DNAAF4: variants seen among roughly 807,000 people sequenced by gnomAD.
DNAAF4 encodes the protein dynein axonemal assembly factor 4.
DNAAF4 carries 43 observed loss-of-function variants against 51.8 expected under a neutral mutation model. That is an observed-to-expected ratio of 0.83 (90% CI 0.65 to 1.07). The LOEUF is 1.07. DNAAF4 is among the 50% of genes least tolerant of loss of function. DNAAF4 has a pLI of 0.00. For synonymous variants in DNAAF4, 194 were observed against 165.6 expected, an observed-to-expected ratio of 1.17 and a Z score of -1.32; for missense variants, 581 against 493.0, an observed-to-expected ratio of 1.18 and a Z score of -1.69.
intron 5 of DNAAF4, among the ~76,000 whole-genome samples, chr15:55,465,411 C>CAG (rs1345976290): frequency 5.3e-5 from 8 of 151,732 alleles, no homozygotes; most frequent in Non-Finnish European, 1.2e-4. Flanking sequence ...CACACACACA[C>CAG]ACACACACAC....
At chr15:55,422,912 G>C (rs1044075767) in intron 7 of DNAAF4, among the ~76,000 whole-genome samples, 2 of 151,958 alleles carry the variant, frequency 1.3e-5, no homozygotes, top group African/African-American at 4.8e-5. Context: ...CAGGAGAATC[G>C]CTTGAACCCA....
intron 6 of DNAAF4, among the ~76,000 whole-genome samples, chr15:55,442,267 C>G (rs1334273081): frequency 6.6e-6 from 1 of 152,096 alleles, no homozygotes; most frequent in Non-Finnish European, 1.5e-5. Context: ...TACAGGCACA[C>G]GCCACCATGC....
At chr15:55,426,543 C>T (rs1218351877), downstream of DNAAF4, among the ~76,000 whole-genome samples, 1 of 152,156 alleles carries the variant, frequency 6.6e-6, no homozygotes, top group African/African-American at 2.4e-5. Flanking sequence ...CATTGTCCTG[C>T]CTCAGACTCC....
chr15:55,481,149 C>T lies in DNAAF4; in HGVS notation c.405+9974G>A, dbSNP rs1009905383. Among the ~76,000 whole-genome samples the T allele has an allele frequency of 2.0e-5, 3 of 152,226 alleles. No individual in the cohort carries two copies. The East Asian group carries it at 5.8e-4, about 29-fold the overall frequency. On this transcript the variant is annotated intron_variant, in intron 4 of 9. Transcript: ENST00000321149. Reference sequence around the variant, plus strand: ...GAAAACTCTTTCCTTTATAAATTACCCGATCTTGGGTATGTCTTCATTAGC... The same window carrying T: ...GAAAACTCTTTCCTTTATAAATTACTCGATCTTGGGTATGTCTTCATTAGC...
intron 4 of DNAAF4, among the ~76,000 whole-genome samples, chr15:55,475,950 C>A (rs938935669): frequency 6.6e-6 from 1 of 152,134 alleles, no homozygotes; most frequent in Non-Finnish European, 1.5e-5. Context: ...GCTACGGATG[C>A]ATGGTGACCC....
In DNAAF4 at chr15:55,479,062, T is replaced by G. The variant is rs59861694; in HGVS notation, c.406-11901A>C. 7.5e-3 allele frequency among the ~76,000 whole-genome samples: 1,130 copies of G among 151,488 alleles called. 13 individuals carry two copies. Among genetic ancestry groups the G allele is most frequent in the African/African-American group, 0.023 (956 of 41,214 alleles). ...TAAAGGATATGCAGTCTAAGTACTG[T>G]CAGGGTAGGCCCACTAGCTGTATGC... On this transcript the variant is annotated intron_variant, in intron 4 of 9. Transcript: ENST00000321149.
At chr15:55,421,133 T>G (rs2057384697) in intron 7 of DNAAF4, among the ~76,000 whole-genome samples, 1 of 143,472 alleles carries the variant, frequency 7.0e-6, no homozygotes, top group Non-Finnish European at 1.5e-5. Flanking sequence ...GAGGTTGCAG[T>G]GAGCCAAGAT....
At chr15:55,473,351 G>GTATATATATA (rs1211531385) in intron 4 of DNAAF4, among the ~76,000 whole-genome samples, 1 of 135,520 alleles carries the variant, frequency 7.4e-6, no homozygotes, top group Non-Finnish European at 1.5e-5. Flanking sequence ...ATATATGTGT[G>GTATATATATA]TATATATATG....
At chr15:55,421,134 G>A (rs1316546302) in intron 7 of DNAAF4, among the ~76,000 whole-genome samples, 1 of 148,552 alleles carries the variant, frequency 6.7e-6, no homozygotes, top group Admixed American at 6.8e-5. Flanking sequence ...AGGTTGCAGT[G>A]AGCCAAGATC....
chr15:55,435,593 C>A (rs976721821), intron 7 of DNAAF4, among the ~76,000 whole-genome samples: 1 of 152,106 alleles, frequency 6.6e-6, no homozygotes, highest in Admixed American at 6.6e-5. Flanking sequence ...CTGGATCAAG[C>A]TTTACTTGAA....
chr15:55,473,201 AT>A lies in DNAAF4; in HGVS notation c.406-6041del, dbSNP rs1567023297. Among the ~76,000 whole-genome samples, 325 of 88,224 alleles carry A rather than the reference AT, an allele frequency of 3.7e-3. 54 individuals are homozygous for A. Among genetic ancestry groups the A allele is most frequent in the African/African-American group, 0.019 (309 of 16,654 alleles). The allele number at this position is 88,224 out of a possible 152,430, so 57.9% of individuals were successfully genotyped here. A position where few individuals can be genotyped will look rare whatever the true frequency, so the allele number is the denominator to read the frequency against. ...AAAAAAAAACCTAAAAAAAAAAAAT[AT>A]ATATATATATATATATATATGTGTG... On this transcript the variant is annotated intron_variant, in intron 4 of 9. Transcript: ENST00000321149.
At chr15:55,474,775 T>G (rs1433844150) in intron 4 of DNAAF4, among the ~76,000 whole-genome samples, 1 of 151,986 alleles carries the variant, frequency 6.6e-6, no homozygotes, top group Non-Finnish European at 1.5e-5. Context: ...GGTTGGGAGT[T>G]CAAGACCAGC....
intron 5 of DNAAF4, among the ~76,000 whole-genome samples, chr15:55,461,990 C>G (rs1425160957): frequency 6.6e-6 from 1 of 152,134 alleles, no homozygotes; most frequent in African/African-American, 2.4e-5. Context: ...TCATTCAAAG[C>G]TACTATGAAT....
At chr15:55,442,663 A>C in intron 6 of DNAAF4, 1 of 1,528,952 alleles carries the variant, frequency 6.5e-7, no homozygotes, top group East Asian at 2.2e-5. Flanking sequence ...ATTCAGCTTT[A>C]TAAGTAAGCT....
At position 55,498,374 on chromosome 15, in the gene DNAAF4, G is replaced by T; in HGVS notation, c.-45C>A. On this transcript the variant is annotated 5_prime_UTR_variant, in exon 2 of 10. Coordinates refer to ENST00000321149, the MANE Select transcript of DNAAF4 (RefSeq NM_130810.4). Reference sequence around the variant, plus strand: ...GATAGCGCGGCTGGTTGCTTCTTGCGCCTGCTTGGTTGCTAGGGAAGCTGG... The same window carrying T: ...GATAGCGCGGCTGGTTGCTTCTTGCTCCTGCTTGGTTGCTAGGGAAGCTGG... The T allele has an allele frequency of 1.3e-6, 2 of 1,582,054 alleles. No homozygotes were observed. Among genetic ancestry groups the T allele is most frequent in the Non-Finnish European group, 1.7e-6 (2 of 1,160,244 alleles).
intron 5 of DNAAF4, among the ~76,000 whole-genome samples, chr15:55,466,389 A>G (rs1191587793): frequency 6.6e-6 from 1 of 152,076 alleles, no homozygotes; most frequent in Admixed American, 6.6e-5. Context: ...ACACCATTGC[A>G]CTCCAGCCTG....
At chr15:55,490,956 GAA>G in intron 4 of DNAAF4, 165 bp downstream of exon 4, 14 of 607,684 alleles carry the variant, frequency 2.3e-5, no homozygotes, top group South Asian at 6.7e-5. Flanking sequence ...TCGGTCTCAA[GAA>G]AAAAAAAAAC....
intron 6 of DNAAF4, chr15:55,443,205 G>A (rs1196926722): frequency 8.3e-5 from 133 of 1,609,790 alleles, no homozygotes; most frequent in Non-Finnish European, 1.1e-4. Context: ...TCCAGCTGGG[G>A]TTGGGGACAG....
downstream of DNAAF4, among the ~76,000 whole-genome samples, chr15:55,430,022 T>A (rs2057471551): frequency 6.6e-6 from 1 of 152,118 alleles, no homozygotes; most frequent in African/African-American, 2.4e-5. Flanking sequence ...TACTTGGAGG[T>A]ACTAGAAAAC....
Sources: allele counts gnomAD v4.1 joint callset (sites outside exome capture counted in the v4.1 genomes callset), GRCh38; gene constraint gnomAD v4.1.1; transcripts MANE v1.5; gene names NCBI Gene and HGNC (gene_info 2026-07-23, HGNC 2026-07-21).